KCNAB1: variants seen among roughly 807,000 people sequenced by gnomAD.
KCNAB1 encodes voltage-gated potassium channel subunit beta-1.
Under a neutral mutation model 64.6 loss-of-function variants are expected in KCNAB1, and 35 were observed. The ratio of observed to expected loss-of-function variants is 0.54; its 90% CI spans 0.41 to 0.72. The LOEUF is 0.72. Among genes scored for constraint, KCNAB1 ranks in the 30% least tolerant of loss-of-function variants. The pLI, the probability that KCNAB1 is intolerant of heterozygous loss-of-function variation, is 0.00. For missense variants in KCNAB1, 401 were observed against 512.9 expected (o/e 0.78, Z 2.11); for synonymous variants, 177 against 183.8 (o/e 0.96, Z 0.30).
At chr3:156,459,152 G>A (rs1712689981) in intron 4 of KCNAB1, among the ~76,000 whole-genome samples, 1 of 152,138 alleles carries the variant, frequency 6.6e-6, no homozygotes, top group African/African-American at 2.4e-5. Context: ...GGTCTTACTG[G>A]GAGGGACATA....
chr3:156,363,811 C>T (rs1286765349), intron 1 of KCNAB1, among the ~76,000 whole-genome samples: 1 of 152,202 alleles, frequency 6.6e-6, no homozygotes. Context: ...GGGATGTTTA[C>T]AAGGCGACTA....
intron 2 of KCNAB1, among the ~76,000 whole-genome samples, chr3:156,450,953 A>G (rs1168598165): frequency 7.7e-6 from 1 of 129,376 alleles, no homozygotes; most frequent in Non-Finnish European, 1.6e-5. Context: ...TCTTCTTTTT[A>G]CACTAAGAAA....
intron 1 of KCNAB1, among the ~76,000 whole-genome samples, chr3:156,221,407 A>G (rs1576619033): frequency 6.6e-6 from 1 of 152,178 alleles, no homozygotes; most frequent in South Asian, 2.1e-4. Flanking sequence ...TATCAGATTA[A>G]CAGATTTCTC....
intron 1 of KCNAB1, among the ~76,000 whole-genome samples, chr3:156,345,547 T>G (rs1724429483): frequency 6.6e-6 from 1 of 152,222 alleles, no homozygotes; most frequent in Admixed American, 6.5e-5. Context: ...ATGACTACAT[T>G]TGGCTGGGAC....
chr3:156,186,793 T>G (rs2108354606), intron 1 of KCNAB1, among the ~76,000 whole-genome samples: 1 of 151,920 alleles, frequency 6.6e-6, no homozygotes, highest in South Asian at 2.1e-4. Context: ...CCTCCCTCCC[T>G]TTTATACTCC....
intron 2 of KCNAB1, among the ~76,000 whole-genome samples, chr3:156,422,038 C>G (rs1038745895): frequency 6.6e-6 from 1 of 152,160 alleles, no homozygotes; most frequent in African/African-American, 2.4e-5. Context: ...TTTCCCTTTG[C>G]CTAATTTCCT....
intron 8 of KCNAB1, among the ~76,000 whole-genome samples, chr3:156,495,014 C>CT (rs1355092676): frequency 1.3e-5 from 2 of 152,130 alleles, no homozygotes; most frequent in Non-Finnish European, 2.9e-5. Context: ...TCCTGATACT[C>CT]TCCCTCCTCC....
chr3:156,126,600 G>A (rs758598977), intron 1 of KCNAB1, among the ~76,000 whole-genome samples: 1 of 152,190 alleles, frequency 6.6e-6, no homozygotes, highest in Non-Finnish European at 1.5e-5. Context: ...CTGGAGTCTG[G>A]TGGCCTGCAG....
intron 1 of KCNAB1, among the ~76,000 whole-genome samples, chr3:156,233,817 G>A (rs1716682749): frequency 6.6e-6 from 1 of 152,050 alleles, no homozygotes; most frequent in Admixed American, 6.5e-5. Flanking sequence ...GAGGTGTCAA[G>A]GATGGCTGCA....
At chr3:156,255,180 T>C (rs1277998616) in intron 1 of KCNAB1, among the ~76,000 whole-genome samples, 1 of 152,216 alleles carries the variant, frequency 6.6e-6, no homozygotes, top group Non-Finnish European at 1.5e-5. Context: ...GCTTTCATTC[T>C]AGCTCCTTCA....
chr3:156,459,965 T>C (rs535720305), intron 5 of KCNAB1, 94 bp downstream of exon 5: 15 of 839,698 alleles, frequency 1.8e-5, no homozygotes, highest in Non-Finnish European at 2.9e-5. Flanking sequence ...ACCAAAAGGC[T>C]GTCAAAAAAA....
At chr3:156,310,936 G>A (rs1289183395) in intron 1 of KCNAB1, among the ~76,000 whole-genome samples, 4 of 152,240 alleles carry the variant, frequency 2.6e-5, no homozygotes, top group African/African-American at 9.6e-5. Context: ...GGGCCCAGAT[G>A]TGGGGAGGAC....
intron 1 of KCNAB1, 49 bp downstream of exon 1, chr3:156,120,935 T>C: frequency 2.5e-6 from 4 of 1,593,978 alleles, no homozygotes; most frequent in Non-Finnish European, 3.4e-6. Flanking sequence ...CGTTCGAAGG[T>C]GCTCTGGAGA....
At chr3:156,369,433 A>G (rs898935828) in intron 1 of KCNAB1, among the ~76,000 whole-genome samples, 5 of 152,250 alleles carry the variant, frequency 3.3e-5, no homozygotes, top group Admixed American at 3.3e-4. Context: ...AAGCATATGT[A>G]TTCGTTTCTC....
chr3:156,343,465 G>A lies in KCNAB1; in HGVS notation c.276-78151G>A, dbSNP rs552009199. ...CATGAAGTATACTCAGAGACCTGAGGTCGAGGGAGAGGGAGGGATTGCTCC... is the reference window on the plus strand; with the variant it reads ...CATGAAGTATACTCAGAGACCTGAGATCGAGGGAGAGGGAGGGATTGCTCC... On this transcript the variant is annotated intron_variant, in intron 1 of 13. Transcript: ENST00000490337. Among the ~76,000 whole-genome samples the A allele has an allele frequency of 1.8e-4, 27 of 152,342 alleles. 2 individuals are homozygous for A. In the South Asian group the frequency reaches 5.4e-3, roughly 30 times the overall value.
At chr3:156,492,121 T>C (rs747692784) in intron 8 of KCNAB1, among the ~76,000 whole-genome samples, 15 of 152,156 alleles carry the variant, frequency 9.9e-5, no homozygotes, top group Admixed American at 2.6e-4. Context: ...TGTATATTAA[T>C]AGATACTAAC....
chr3:156,167,509 T>C (rs1335762385), intron 1 of KCNAB1, among the ~76,000 whole-genome samples: 4 of 152,222 alleles, frequency 2.6e-5, no homozygotes, highest in Admixed American at 1.3e-4. Context: ...AAGCTTTCTC[T>C]GAAGATGACC....
intron 1 of KCNAB1, among the ~76,000 whole-genome samples, chr3:156,249,845 C>T (rs1717714387): frequency 6.6e-6 from 1 of 152,152 alleles, no homozygotes; most frequent in Admixed American, 6.5e-5. Context: ...AACACAGGCT[C>T]CACACTATGG....
intron 1 of KCNAB1, among the ~76,000 whole-genome samples, chr3:156,170,139 A>C (rs1711866866): frequency 6.6e-6 from 1 of 151,512 alleles, no homozygotes; most frequent in African/African-American, 2.4e-5. Flanking sequence ...TGGGATGAAG[A>C]GAGGAATTAG....
Sources: allele counts gnomAD v4.1 joint callset (sites outside exome capture counted in the v4.1 genomes callset), GRCh38; gene constraint gnomAD v4.1.1; transcripts MANE v1.5; gene names NCBI Gene and HGNC (gene_info 2026-07-23, HGNC 2026-07-21).